FAM81B: variants seen among roughly 807,000 people sequenced by gnomAD.
The protein encoded by FAM81B is protein FAM81B.
FAM81B carries 60 observed loss-of-function variants against 58.7 expected under a neutral mutation model. That is an observed-to-expected ratio of 1.02 (90% CI 0.83 to 1.27). The LOEUF (loss-of-function observed/expected upper bound fraction) is 1.27, where lower values mean the gene tolerates loss of function less well. FAM81B is among the 50% of genes most tolerant of loss of function. The pLI is 0.00. For missense variants in FAM81B, 491 were observed against 522.0 expected (o/e 0.94, Z 0.58); for synonymous variants, 189 against 179.6 (o/e 1.05, Z -0.42).
intron 8 of FAM81B, 149 bp downstream of exon 8, chr5:95,446,846 G>GAAGAC: frequency 5.5e-6 from 5 of 906,880 alleles, no homozygotes; most frequent in Non-Finnish European, 8.3e-6. Context: ...TAGGAGTCCA[G>GAAGAC]AGGCCTGTCT....
At chr5:95,426,124 G>A (rs2731832) in intron 5 of FAM81B, among the ~76,000 whole-genome samples, 52,579 of 97,722 alleles carry the variant, frequency 0.54, 11,331 homozygotes, top group Non-Finnish European at 0.6. Context: ...ATATATATAT[G>A]TACACATATA....
intron 5 of FAM81B, among the ~76,000 whole-genome samples, chr5:95,425,112 A>G (rs949134725): frequency 6.6e-6 from 1 of 152,002 alleles, no homozygotes; most frequent in Admixed American, 6.6e-5. Flanking sequence ...ATGACAGGCA[A>G]GGAAAACTCA....
intron 7 of FAM81B, among the ~76,000 whole-genome samples, chr5:95,442,704 G>A (rs1039354934): frequency 6.6e-6 from 1 of 152,138 alleles, no homozygotes; most frequent in Non-Finnish European, 1.5e-5. Flanking sequence ...CTATCAGAGT[G>A]GAGGCAGAAT....
intron 3 of FAM81B, among the ~76,000 whole-genome samples, chr5:95,402,987 G>C (rs1249055592): frequency 1.3e-5 from 2 of 152,208 alleles, no homozygotes; most frequent in Non-Finnish European, 2.9e-5. Context: ...AACCTGCCAA[G>C]CTGCTTCTGG....
chr5:95,410,248 G>C (rs896371852), intron 3 of FAM81B, among the ~76,000 whole-genome samples: 2 of 152,172 alleles, frequency 1.3e-5, no homozygotes, highest in African/African-American at 4.8e-5. Flanking sequence ...TGAGGGTAAA[G>C]GTCACATACT....
intron 2 of FAM81B, 85 bp downstream of exon 2, chr5:95,392,982 G>T: frequency 1.7e-6 from 2 of 1,193,196 alleles, no homozygotes; most frequent in Non-Finnish European, 2.3e-6. Flanking sequence ...AGTTTAAGAA[G>T]TTCTGGAAGA....
chr5:95,422,235 A>G (rs10476646), intron 5 of FAM81B, among the ~76,000 whole-genome samples: 1,689 of 151,450 alleles, frequency 0.011, 14 homozygotes, highest in Admixed American at 0.016. Context: ...GTTGAAAAAC[A>G]CTCATCCAAG....
At chr5:95,437,568 C>A (rs894686031) in intron 7 of FAM81B, among the ~76,000 whole-genome samples, 1 of 152,092 alleles carries the variant, frequency 6.6e-6, no homozygotes, top group African/African-American at 2.4e-5. Context: ...AACTCCTGAC[C>A]TCAGGTGATC....
chr5:95,445,565 T>C (rs1745524376), intron 7 of FAM81B, among the ~76,000 whole-genome samples: 1 of 152,176 alleles, frequency 6.6e-6, no homozygotes, highest in African/African-American at 2.4e-5. Context: ...TAAAAATCTT[T>C]CATTCTCTGT....
chr5:95,404,200 C>G (rs1478316838), intron 3 of FAM81B, among the ~76,000 whole-genome samples: 3 of 152,178 alleles, frequency 2.0e-5, no homozygotes, highest in Non-Finnish European at 4.4e-5. Flanking sequence ...TCACCTTCAG[C>G]AGAGCCTGGC....
intron 3 of FAM81B, among the ~76,000 whole-genome samples, chr5:95,408,618 T>C (rs1220303401): frequency 3.9e-5 from 6 of 152,360 alleles, no homozygotes; most frequent in Admixed American, 2.0e-4. Flanking sequence ...GCTTGAATAC[T>C]GGTCCACTGT....
intron 5 of FAM81B, among the ~76,000 whole-genome samples, chr5:95,422,491 T>A (rs1466327357): frequency 6.6e-6 from 1 of 152,112 alleles, no homozygotes; most frequent in African/African-American, 2.4e-5. Flanking sequence ...TCTTTGTTTG[T>A]TTCTTTTTCG....
chr5:95,431,104 C>T lies in FAM81B; in HGVS notation c.786+2372C>T, dbSNP rs188188858. On this transcript the variant is annotated intron_variant, in intron 6 of 9. Coordinates refer to ENST00000283357, the MANE Select transcript of FAM81B (RefSeq NM_152548.3). The stretch of plus-strand genomic sequence containing the variant: ...GAGATGAGCTGTTTTCTCTATGACA[C>T]AAATTGCAAATGCATTTCCCCAGTT... 5.9e-5 allele frequency among the ~76,000 whole-genome samples: 9 copies of T among 152,170 alleles called. No homozygotes were observed. The East Asian group carries it at 1.7e-3, about 29-fold the overall frequency.
At chr5:95,420,229 G>A (rs892869501) in intron 4 of FAM81B, 55 bp from the exon 5 acceptor site, 8 of 1,607,060 alleles carry the variant, frequency 5.0e-6, no homozygotes, top group African/African-American at 1.3e-5. Flanking sequence ...TTTAAATGAT[G>A]TTTCCTTATC....
Position 95,414,114 on chromosome 5 carries a change from C to G in FAM81B, c.461C>G (p.Ser154Trp), listed in dbSNP as rs200794195. The G allele has an allele frequency of 1.2e-6, 2 of 1,613,928 alleles. No individual in the cohort carries two copies. Among genetic ancestry groups the G allele is most frequent in the Admixed American group, 1.7e-5 (1 of 59,978 alleles). Residue 154 changes from serine to tryptophan, a missense_variant, in exon 4 of 10, where the codon TCG (serine) becomes TGG (tryptophan). By Grantham distance (177) the Ser-to-Trp change is radical (BLOSUM62 -3). Coordinates refer to ENST00000283357, the MANE Select transcript of FAM81B (RefSeq NM_152548.3). The part of the protein sequence containing the change: ...QGTHGFRKEE[S>W]LARKLLESHI... ...ACCCATGGCTTTCGAAAAGAGGAAT[C>G]GCTCGCCAGGAAGTTACTGGAAAGC...
At chr5:95,427,379 C>T (rs1472693245) in intron 5 of FAM81B, among the ~76,000 whole-genome samples, 1 of 152,142 alleles carries the variant, frequency 6.6e-6, no homozygotes, top group Non-Finnish European at 1.5e-5. Context: ...TGCGTACCAT[C>T]CTGCTCCCAT....
chr5:95,444,288 G>A (rs761819001), intron 7 of FAM81B, among the ~76,000 whole-genome samples: 54 of 152,190 alleles, frequency 3.5e-4, no homozygotes, highest in Non-Finnish European at 4.8e-4. Context: ...TGCTTTCATG[G>A]AGCTTAACTT....
intron 9 of FAM81B, 76 bp downstream of exon 9, chr5:95,448,540 A>T: frequency 7.3e-7 from 1 of 1,364,338 alleles, no homozygotes; most frequent in Non-Finnish European, 9.9e-7. Flanking sequence ...ACTTTGAGCT[A>T]ATGGCCAGGG....
chr5:95,418,811 AT>A (rs552564622), intron 4 of FAM81B, among the ~76,000 whole-genome samples: 221 of 152,276 alleles, frequency 1.5e-3, no homozygotes, highest in African/African-American at 5.2e-3. Flanking sequence ...AATTTAAAAA[AT>A]ATTTTAGATC....
Sources: gnomAD v4.1 joint callset for allele counts (sites outside exome capture counted in the v4.1 genomes callset) on GRCh38, gnomAD v4.1.1 for gene constraint, MANE v1.5 for transcripts, NCBI Gene and HGNC (gene_info 2026-07-23, HGNC 2026-07-21) for gene names.